The following CDH13 variants were observed in gnomAD, a reference collection of about 807,000 sequenced individuals.
The protein encoded by CDH13 is cadherin-13.
In CDH13, 24 loss-of-function variants were observed where a neutral mutation model predicts 63.8. The ratio of observed to expected loss-of-function variants is 0.38; its 90% confidence interval spans 0.27 to 0.53. The LOEUF (loss-of-function observed/expected upper bound fraction) is 0.53, where lower values mean the gene tolerates loss of function less well. CDH13 is among the 20% of genes least tolerant of loss of function. The pLI is 0.85. For synonymous variants in CDH13, 503 were observed against 355.3 expected (o/e 1.42, Z -4.67); for missense variants, 1,049 against 903.1 (o/e 1.16, Z -2.07).
At chr16:82,863,704 C>G (rs1200762956) in intron 2 of CDH13, among the ~76,000 whole-genome samples, 4 of 152,110 alleles carry the variant, frequency 2.6e-5, no homozygotes, top group East Asian at 3.9e-4. Flanking sequence ...TCATTACTTT[C>G]ATTCATAGAC....
chr16:83,630,977 A>G (rs9938215), intron 8 of CDH13, among the ~76,000 whole-genome samples: 40,572 of 151,990 alleles, frequency 0.27, 5,568 homozygotes, highest in East Asian at 0.36. Flanking sequence ...TGGCAAGCAC[A>G]GTGCCTGACA....
intron 1 of CDH13, among the ~76,000 whole-genome samples, chr16:82,674,438 A>T (rs1913659292): frequency 1.3e-5 from 2 of 152,216 alleles, no homozygotes; most frequent in African/African-American, 2.4e-5. Flanking sequence ...AGTGTTAGCA[A>T]TCCTCCAGAC....
rs375694398 is a variant in CDH13, at chr16:83,464,305, G to C, written c.782-22172G>C. Among the ~76,000 whole-genome samples the C allele has an allele frequency of 2.6e-5, 4 of 152,180 alleles. No individual in the cohort carries two copies. In the East Asian group the frequency reaches 7.8e-4, roughly 30 times the overall value. ...AGGTGGGTGGATCATGTGAAGTCAG[G>C]AGTTCAAGACCAGCCTGGCCAACAT... On this transcript the variant is annotated intron_variant, in intron 6 of 13. Coordinates refer to ENST00000567109, the MANE Select transcript of CDH13 (RefSeq NM_001257.5).
At chr16:83,758,997 C>A (rs1453346602) in intron 11 of CDH13, among the ~76,000 whole-genome samples, 1 of 152,172 alleles carries the variant, frequency 6.6e-6, no homozygotes, top group African/African-American at 2.4e-5. Flanking sequence ...CAATACCATG[C>A]AAAGTCCCAA....
chr16:83,752,253 T>A (rs1011498819), intron 11 of CDH13, among the ~76,000 whole-genome samples: 1 of 152,146 alleles, frequency 6.6e-6, no homozygotes, highest in African/African-American at 2.4e-5. Flanking sequence ...CAATTATAAA[T>A]CCAAAGAAAC....
In CDH13 at chr16:83,157,284, G is replaced by A. The variant is rs563524982; in HGVS notation, c.483+31783G>A. 9.2e-5 allele frequency among the ~76,000 whole-genome samples: 13 copies of A among 141,218 alleles called. No individual in the cohort carries two copies. The South Asian group carries it at 3.2e-3, about 35-fold the overall frequency. 92.6% of individuals were successfully genotyped at this position (141,218 alleles called of 152,430 possible). A position where few individuals can be genotyped will look rare whatever the true frequency, so the allele number is the denominator to read the frequency against. ...GTAACAGACCCTTGCTATCATTTGG[G>A]TGTTCTCACAAGGAACAGGAGCCAG... On this transcript the variant is annotated intron_variant, in intron 4 of 13. Transcript: ENST00000567109.
chr16:82,858,484 T>C lies in CDH13; in HGVS notation c.157+11T>C, dbSNP rs374876993. ...AGTCAATTCTAAACTGTAAGCAATG[T>C]CACTCAAAGATGCTTTTAGACTCTT... is the stretch of plus-strand genomic sequence containing the variant. On this transcript the variant is annotated intron_variant, in intron 2 of 13. Transcript: ENST00000567109. 6.0e-6 allele frequency: 9 copies of C among 1,488,228 alleles called. No individual in the cohort carries two copies. Among genetic ancestry groups the C allele is most frequent in the African/African-American group, 2.8e-5 (2 of 72,648 alleles). 92.2% of individuals were successfully genotyped at this position (1,488,228 alleles called of 1,614,324 possible).
chr16:83,274,678 T>G (rs914799987), intron 5 of CDH13, among the ~76,000 whole-genome samples: 11 of 152,286 alleles, frequency 7.2e-5, no homozygotes, highest in African/African-American at 2.2e-4. Flanking sequence ...TAAATTCATT[T>G]AAAGGATCCT....
intron 10 of CDH13, among the ~76,000 whole-genome samples, chr16:83,742,136 G>A (rs416260): frequency 0.98 from 149,183 of 152,324 alleles, 73,139 homozygotes; most frequent in Middle Eastern, 1. Context: ...TGAGGGCAGA[G>A]GCTGGCAGCC....
Position 83,069,718 on chromosome 16 carries a change from C to G in CDH13, c.366+37500C>G, listed in dbSNP as rs1217118270. 2.0e-5 allele frequency among the ~76,000 whole-genome samples: 3 copies of G among 152,092 alleles called. 1 individual carries two copies. The South Asian group carries it at 6.2e-4, about 32-fold the overall frequency. Reference sequence around the variant, plus strand: ...GCCATCCTCACCCTGATTGGCTCTCCCCAAAGGCTCACTCTGACACCCATT... The same window carrying G: ...GCCATCCTCACCCTGATTGGCTCTCGCCAAAGGCTCACTCTGACACCCATT... On this transcript the variant is annotated intron_variant, in intron 3 of 13. Coordinates refer to ENST00000567109, the MANE Select transcript of CDH13 (RefSeq NM_001257.5).
chr16:83,309,236 A>T (rs1282050131), intron 5 of CDH13, among the ~76,000 whole-genome samples: 3 of 152,182 alleles, frequency 2.0e-5, no homozygotes, highest in African/African-American at 7.2e-5. Flanking sequence ...TTTTGCAATG[A>T]CTAAGGTGGA....
chr16:83,436,112 A>C (rs959713719), intron 6 of CDH13, among the ~76,000 whole-genome samples: 1 of 152,156 alleles, frequency 6.6e-6, no homozygotes, highest in Non-Finnish European at 1.5e-5. Flanking sequence ...GTCACAAAGA[A>C]TGATTTGGTT....
intron 3 of CDH13, among the ~76,000 whole-genome samples, chr16:83,116,733 C>T (rs966610972): frequency 8.5e-5 from 13 of 152,364 alleles, no homozygotes; most frequent in African/African-American, 3.1e-4. Context: ...CTAACAATCA[C>T]TGTGTTACAC....
At chr16:83,308,857 A>G (rs947953785) in intron 5 of CDH13, among the ~76,000 whole-genome samples, 4 of 152,244 alleles carry the variant, frequency 2.6e-5, no homozygotes, top group African/African-American at 7.2e-5. Flanking sequence ...GTTTACTAAG[A>G]TGCTGAAACT....
chr16:83,703,368 G>A (rs1413829101), intron 10 of CDH13, among the ~76,000 whole-genome samples: 1 of 152,186 alleles, frequency 6.6e-6, no homozygotes, highest in Non-Finnish European at 1.5e-5. Flanking sequence ...GTAGCAAAAA[G>A]TTAGAAAACA....
At chr16:82,841,749 C>T (rs2039017535) in intron 1 of CDH13, among the ~76,000 whole-genome samples, 1 of 152,022 alleles carries the variant, frequency 6.6e-6, no homozygotes, top group Admixed American at 6.6e-5. Flanking sequence ...GGTTTATGTT[C>T]ATGAAGGTCC....
At chr16:82,646,083 G>T (rs1910057772) in intron 1 of CDH13, among the ~76,000 whole-genome samples, 2 of 152,210 alleles carry the variant, frequency 1.3e-5, no homozygotes, top group African/African-American at 4.8e-5. Flanking sequence ...CTAAGAGCAT[G>T]CTCCTAAACA....
chr16:82,840,148 T>G (rs1410063896), intron 1 of CDH13, among the ~76,000 whole-genome samples: 3 of 152,142 alleles, frequency 2.0e-5, no homozygotes, highest in African/African-American at 7.2e-5. Context: ...GCTATAATGA[T>G]AATAGGAGGG....
chr16:83,225,369 T>G lies in CDH13; in HGVS notation c.636+7872T>G, dbSNP rs944369605. Reference sequence around the variant, plus strand: ...AGCCCTCTCCATCCAATTCCAACTCTTCCAAACTGCTTTCTTTTTGTTTCA... The same window carrying G: ...AGCCCTCTCCATCCAATTCCAACTCGTCCAAACTGCTTTCTTTTTGTTTCA... On this transcript the variant is annotated intron_variant, in intron 5 of 13. Coordinates refer to ENST00000567109, the MANE Select transcript of CDH13 (RefSeq NM_001257.5). Among the ~76,000 whole-genome samples the G allele has an allele frequency of 3.3e-5, 5 of 152,206 alleles. No individual in the cohort carries two copies. The South Asian group carries it at 1.0e-3, about 32-fold the overall frequency.
Sources: gnomAD v4.1 joint callset for allele counts (sites outside exome capture counted in the v4.1 genomes callset) on GRCh38, gnomAD v4.1.1 for gene constraint, MANE v1.5 for transcripts, NCBI Gene and HGNC (gene_info 2026-07-23, HGNC 2026-07-21) for gene names.